Variants in OC90 observed in about 807,000 individuals in gnomAD.
OC90 encodes the protein otoconin-90.
A neutral mutation model predicts 47.3 loss-of-function variants in OC90; 46 were observed. The observed-to-expected ratio is 0.97, with a 90% CI of 0.77 to 1.24. OC90 has a LOEUF of 1.24. Among genes scored for constraint, OC90 ranks in the 50% most tolerant of loss-of-function variants. The probability of loss-of-function intolerance (pLI) is 0.00; values close to 1 mark genes in which losing one functional copy is unlikely to be tolerated. For synonymous variants in OC90, 271 were observed against 219.5 expected (o/e 1.23, Z -2.07); for missense variants, 688 against 583.9 (o/e 1.18, Z -1.84).
chr8:132,042,961 A>C (rs1284666990), intron 4 of OC90, among the ~76,000 whole-genome samples: 1 of 152,248 alleles, frequency 6.6e-6, no homozygotes, highest in East Asian at 1.9e-4. Context: ...AGACACATGC[A>C]TCTGTATGTT....
chr8:132,044,513 TGA>T (rs1823103931), intron 3 of OC90, 24 bp from the exon 4 acceptor site: 1 of 1,375,168 alleles, frequency 7.3e-7, no homozygotes. Context: ...AGAAAACAAA[TGA>T]GAGTCTTGGT....
chr8:132,059,298 C>T (rs1823316491), intron 1 of OC90, 43 bp downstream of exon 1: 1 of 152,194 alleles, frequency 6.6e-6, no homozygotes, highest in African/African-American at 2.4e-5. Context: ...CCTCCCTCCC[C>T]TGCTCTCTGT....
intron 12 of OC90, among the ~76,000 whole-genome samples, chr8:132,030,704 AGGGTCCGCT>A (rs1822860481): frequency 6.6e-6 from 1 of 152,220 alleles, no homozygotes; most frequent in Non-Finnish European, 1.5e-5. Context: ...AAACTTCTTT[AGGGTCCGCT>A]GGTGGGAGGT....
chr8:132,028,709 A>AAAGG (rs1455255531), intron 13 of OC90, among the ~76,000 whole-genome samples: 9 of 147,444 alleles, frequency 6.1e-5, no homozygotes, highest in African/African-American at 2.3e-4. Context: ...AGAGAGACAG[A>AAAGG]AAGAAAGAAA....
intron 10 of OC90, among the ~76,000 whole-genome samples, chr8:132,034,459 C>T (rs1822924044): frequency 6.6e-6 from 1 of 152,154 alleles, no homozygotes; most frequent in African/African-American, 2.4e-5. Context: ...AAAGGAGATC[C>T]CAGAGCCCAG....
chr8:132,059,001 C>A (rs1202517917), intron 1 of OC90, among the ~76,000 whole-genome samples: 1 of 151,958 alleles, frequency 6.6e-6, no homozygotes, highest in Non-Finnish European at 1.5e-5. Flanking sequence ...ATTCATTTAT[C>A]TCCTCATTTC....
chr8:132,024,913 G>T, intron 13 of OC90, 137 bp from the exon 14 acceptor site: 1 of 679,596 alleles, frequency 1.5e-6, no homozygotes, highest in Non-Finnish European at 2.4e-6. Context: ...ACCTTATATG[G>T]CTGGTAATTT....
intron 1 of OC90, among the ~76,000 whole-genome samples, chr8:132,056,838 T>G (rs1268093905): frequency 2.6e-5 from 4 of 152,232 alleles, no homozygotes; most frequent in African/African-American, 7.2e-5. Context: ...TGTAGTCACT[T>G]TCTGCCACTC....
chr8:132,035,137 A>G (rs77629256), intron 9 of OC90, among the ~76,000 whole-genome samples: 2,269 of 152,326 alleles, frequency 0.015, 54 homozygotes, highest in African/African-American at 0.051. Context: ...GAGAAAAACT[A>G]AAAGAAAAGT....
intron 11 of OC90, 75 bp downstream of exon 11, chr8:132,032,964 G>T: frequency 6.7e-7 from 1 of 1,502,290 alleles, no homozygotes; most frequent in Non-Finnish European, 9.0e-7. Context: ...GTGTGAAAAG[G>T]TGGCCTACGG....
intron 6 of OC90, among the ~76,000 whole-genome samples, chr8:132,039,757 G>A (rs992264531): frequency 3.3e-5 from 5 of 152,154 alleles, no homozygotes; most frequent in Non-Finnish European, 5.9e-5. Context: ...CAGTCCCTGA[G>A]CTGTTCCTCT....
At chr8:132,037,551 G>T (rs1822988764) in intron 8 of OC90, 63 bp from the exon 9 acceptor site, 2 of 1,443,100 alleles carry the variant, frequency 1.4e-6, no homozygotes, top group Admixed American at 2.0e-5. Context: ...CCAAGCACAG[G>T]GTCTCAAAGG....
Position 132,033,204 on chromosome 8 carries a change from G to T in OC90, c.734-40C>A, listed in dbSNP as rs139993604. 1.2e-3 allele frequency: 1,839 copies of T among 1,588,022 alleles called. 1 individual carries two copies. Among genetic ancestry groups the T allele is most frequent in the South Asian group, 1.5e-3 (129 of 87,432 alleles). On this transcript the variant is annotated intron_variant, in intron 10 of 13. Transcript: ENST00000254627. ...CTTCATGATTCGGATTCAAAAAGTGGCTCAAGGAGAGATTTGCAGATGGAC... is the reference window on the plus strand; with the variant it reads ...CTTCATGATTCGGATTCAAAAAGTGTCTCAAGGAGAGATTTGCAGATGGAC...
intron 9 of OC90, 49 bp downstream of exon 9, chr8:132,037,389 C>G: frequency 6.8e-7 from 1 of 1,467,398 alleles, no homozygotes; most frequent in Non-Finnish European, 9.4e-7. Context: ...AGTCCCTCCC[C>G]ACTCTCATTG....
rs1823316988 is a variant in OC90, at chr8:132,059,334, T to A, written c.-48+7A>T. 6.9e-6 allele frequency: 1 copy of A among 144,366 alleles called. No homozygotes were observed. The highest frequency in any genetic ancestry group is 1.5e-5 in the Non-Finnish European group (1 of 65,618). 8.9% of individuals were successfully genotyped at this position (144,366 alleles called of 1,614,324 possible). On this transcript the variant is annotated splice_region_variant and intron_variant, in intron 1 of 13. Coordinates refer to ENST00000254627, the MANE Select transcript of OC90 (RefSeq NM_001080399.3). ...CTCCCCAACCATCAGGAATAACAGA[T>A]GCCTACCGTGAAGGCTCCACTGGAG...
intron 11 of OC90, among the ~76,000 whole-genome samples, chr8:132,032,305 C>T (rs75828082): frequency 3.9e-5 from 6 of 152,242 alleles, no homozygotes; most frequent in Non-Finnish European, 7.4e-5. Flanking sequence ...TTATTAAATC[C>T]CCTTAAGGGA....
chr8:132,036,366 C>T (rs1325843585), intron 9 of OC90: 1 of 780,838 alleles, frequency 1.3e-6, no homozygotes, highest in Admixed American at 1.7e-5. Context: ...TTCCCCTCTG[C>T]TTACTTTTCT....
intron 1 of OC90, among the ~76,000 whole-genome samples, chr8:132,055,932 A>G (rs1192917544): frequency 1.3e-5 from 2 of 152,346 alleles, no homozygotes; most frequent in East Asian, 1.9e-4. Flanking sequence ...AAAAGACCAG[A>G]GGGATTTTAA....
chr8:132,036,813 G>A lies in OC90; in HGVS notation c.679+625C>T, dbSNP rs538525161. On this transcript the variant is annotated intron_variant, in intron 9 of 13. Transcript: ENST00000254627. ...GATCACCTGTCTTAAAATGGAGGCT[G>A]TAGCAATTATTCCATAGGCGTGTAT... Among the ~76,000 whole-genome samples, 14 of 152,336 alleles carry A rather than the reference G, an allele frequency of 9.2e-5. No individual in the cohort carries two copies. The South Asian group carries it at 1.4e-3, about 16-fold the overall frequency.
Sources: gnomAD v4.1 joint callset for allele counts (sites outside exome capture counted in the v4.1 genomes callset) on GRCh38, gnomAD v4.1.1 for gene constraint, MANE v1.5 for transcripts, NCBI Gene and HGNC (gene_info 2026-07-23, HGNC 2026-07-21) for gene names.